Variants in MCF2L2 observed in about 807,000 individuals in gnomAD.
MCF2L2 encodes the protein MCF.2 cell line derived transforming sequence-like 2.
In MCF2L2, 102 loss-of-function variants were observed where a neutral mutation model predicts 150.2. The observed-to-expected ratio is 0.68, with a 90% CI of 0.58 to 0.80. MCF2L2 has a LOEUF of 0.80. Ranked by LOEUF, MCF2L2 falls within the 30% of genes least tolerant of loss-of-function variation. MCF2L2 has a pLI of 0.00. For missense variants in MCF2L2, 1,256 were observed against 1,372.8 expected (o/e 0.91, Z 1.34); for synonymous variants, 465 against 491.3 (o/e 0.95, Z 0.71).
intron 3 of MCF2L2, among the ~76,000 whole-genome samples, chr3:183,364,399 A>G (rs1712399233): frequency 6.6e-6 from 1 of 152,150 alleles, no homozygotes; most frequent in Non-Finnish European, 1.5e-5. Flanking sequence ...GGGTGCCTGT[A>G]GTCCCAGCTA....
In MCF2L2 at chr3:183,341,628, A is replaced by T; in HGVS notation, c.278T>A (p.Val93Glu). Residue 93 changes from valine to glutamate, a missense_variant and splice_region_variant, in exon 4 of 30, where the codon GTG (valine) becomes GAG (glutamate). By Grantham distance (121) the Val-to-Glu change is moderately radical (BLOSUM62 -2). Coordinates refer to ENST00000328913, the MANE Select transcript of MCF2L2 (RefSeq NM_015078.4). ...AATGAATCCAATGCTGGCAGCCTCC[A>T]CACTGCAAAGAAGGGTGGTCAGTGT... ...VMTYLTSIPSVEAASIGFIVV... is the reference protein window; with the variant it reads ...VMTYLTSIPSEEAASIGFIVV... 6.2e-7 allele frequency: 1 copy of T among 1,612,592 alleles called. No homozygotes were observed. Among genetic ancestry groups the T allele is most frequent in the Non-Finnish European group, 8.5e-7 (1 of 1,178,558 alleles).
rs370379715 is a variant in MCF2L2, at chr3:183,228,229, C to A, written c.2115+68G>T. The A allele has an allele frequency of 9.2e-6, 11 of 1,197,958 alleles. No individual in the cohort carries two copies. In the African/African-American group the frequency reaches 1.3e-4, roughly 15 times the overall value. The allele number at this position is 1,197,958 out of a possible 1,614,324, so 74.2% of individuals were successfully genotyped here. On this transcript the variant is annotated intron_variant, in intron 18 of 29. Coordinates refer to ENST00000328913, the MANE Select transcript of MCF2L2 (RefSeq NM_015078.4). Reference sequence around the variant, plus strand: ...TAGACCATTGATGTTTCCATTTGTCCTTGCCACTTAACGCAGAAATGTAAG... The same window carrying A: ...TAGACCATTGATGTTTCCATTTGTCATTGCCACTTAACGCAGAAATGTAAG...
chr3:183,302,708 G>T (rs1231589108), intron 10 of MCF2L2, among the ~76,000 whole-genome samples: 1 of 151,970 alleles, frequency 6.6e-6, no homozygotes. Context: ...ACCCTTCTCT[G>T]GATTGTTCTT....
chr3:183,366,640 C>T (rs945515544), intron 3 of MCF2L2, among the ~76,000 whole-genome samples: 4 of 151,070 alleles, frequency 2.6e-5, no homozygotes, highest in Non-Finnish European at 5.9e-5. Flanking sequence ...AGCAAGACTC[C>T]GTCTCAAAAA....
rs1441350284 is a variant in MCF2L2 at position 183,324,700 on chromosome 3, T to C, written c.487-1349A>G. On this transcript the variant is annotated intron_variant, in intron 5 of 29. Coordinates refer to ENST00000328913, the MANE Select transcript of MCF2L2 (RefSeq NM_015078.4). Reference sequence around the variant, plus strand: ...ATGAGCTGTGATCGCATCACTGCACTCCAGACTGGGTGATAGAGGGAGACC... The same window carrying C: ...ATGAGCTGTGATCGCATCACTGCACCCCAGACTGGGTGATAGAGGGAGACC... Among the ~76,000 whole-genome samples, 4 of 151,740 alleles carry C rather than the reference T, an allele frequency of 2.6e-5. 1 individual carries two copies. The South Asian group carries it at 8.3e-4, about 32-fold the overall frequency.
At chr3:183,330,434 ACT>A (rs1335825547) in intron 5 of MCF2L2, among the ~76,000 whole-genome samples, 1 of 151,168 alleles carries the variant, frequency 6.6e-6, no homozygotes, top group African/African-American at 2.5e-5. Flanking sequence ...CATTTGTATG[ACT>A]CTCTGCAAAA....
chr3:183,207,239 C>T (rs1045466204), intron 23 of MCF2L2, among the ~76,000 whole-genome samples: 3 of 152,158 alleles, frequency 2.0e-5, no homozygotes, highest in Non-Finnish European at 4.4e-5. Context: ...CACTTAGACA[C>T]AAAGATACAC....
intron 20 of MCF2L2, among the ~76,000 whole-genome samples, chr3:183,223,098 T>C (rs1345136626): frequency 1.3e-5 from 2 of 152,192 alleles, no homozygotes; most frequent in Non-Finnish European, 2.9e-5. Context: ...GACTCCTTAG[T>C]GATTCATGCC....
At chr3:183,301,014 C>CAAA (rs11388183) in intron 10 of MCF2L2, among the ~76,000 whole-genome samples, 39 of 65,524 alleles carry the variant, frequency 6.0e-4, no homozygotes, top group Non-Finnish European at 6.4e-4. Flanking sequence ...GACTCCATCT[C>CAAA]AAAAAAAAAA....
chr3:183,340,984 T>C (rs1054307863), intron 4 of MCF2L2, among the ~76,000 whole-genome samples: 9 of 152,294 alleles, frequency 5.9e-5, no homozygotes, highest in African/African-American at 1.2e-4. Context: ...CTGTCTTAAA[T>C]TGAATTGCCC....
chr3:183,220,559 T>C (rs1261161901), intron 20 of MCF2L2, among the ~76,000 whole-genome samples: 1 of 152,254 alleles, frequency 6.6e-6, no homozygotes, highest in East Asian at 1.9e-4. Flanking sequence ...AAAGCTAAAT[T>C]CCTAGAGTGG....
intron 15 of MCF2L2, among the ~76,000 whole-genome samples, chr3:183,269,000 T>C (rs1458894648): frequency 6.6e-6 from 1 of 152,094 alleles, no homozygotes; most frequent in Admixed American, 6.5e-5. Flanking sequence ...ACTCCTTGAT[T>C]ATGAACCTTA....
chr3:183,188,058 C>G (rs1180823038), intron 27 of MCF2L2, among the ~76,000 whole-genome samples: 1 of 152,202 alleles, frequency 6.6e-6, no homozygotes, highest in Non-Finnish European at 1.5e-5. Flanking sequence ...AGGTGATCCA[C>G]TAGGACATCT....
chr3:183,206,108 G>A lies in MCF2L2; in HGVS notation c.2805+14C>T. Reference sequence around the variant, plus strand: ...AAGAGTAGAGGAGACCCATGGGGAAGGCATGAGCGTTACCTGCAGGATGTA... The same window carrying A: ...AAGAGTAGAGGAGACCCATGGGGAAAGCATGAGCGTTACCTGCAGGATGTA... On this transcript the variant is annotated intron_variant, in intron 24 of 29. Transcript: ENST00000328913. 6.2e-7 allele frequency: 1 copy of A among 1,611,114 alleles called. No homozygotes were observed. The highest frequency in any genetic ancestry group is 8.5e-7 in the Non-Finnish European group (1 of 1,177,282).
chr3:183,331,308 G>A (rs1015418813), intron 5 of MCF2L2, among the ~76,000 whole-genome samples: 1 of 152,094 alleles, frequency 6.6e-6, no homozygotes, highest in African/African-American at 2.4e-5. Context: ...CCAAAGCTTG[G>A]TGCTTCCCCA....
At chr3:183,401,681 T>C (rs528092180) in intron 1 of MCF2L2, among the ~76,000 whole-genome samples, 4 of 152,362 alleles carry the variant, frequency 2.6e-5, no homozygotes, top group Non-Finnish European at 5.9e-5. Flanking sequence ...TCATATGGTG[T>C]TAATAATACA....
At chr3:183,422,061 G>A (rs1715911799) in intron 1 of MCF2L2, among the ~76,000 whole-genome samples, 1 of 152,060 alleles carries the variant, frequency 6.6e-6, no homozygotes, top group South Asian at 2.1e-4. Context: ...CAATGCCCTG[G>A]GGCATAAAAT....
chr3:183,340,772 G>A (rs181842494), intron 4 of MCF2L2, among the ~76,000 whole-genome samples: 2 of 152,080 alleles, frequency 1.3e-5, no homozygotes, highest in East Asian at 1.9e-4. Flanking sequence ...GTGAAACCCC[G>A]TCTCTACTAA....
chr3:183,187,685 T>C (rs1721744490), intron 27 of MCF2L2, among the ~76,000 whole-genome samples: 1 of 152,116 alleles, frequency 6.6e-6, no homozygotes, highest in South Asian at 2.1e-4. Context: ...GCCAAGATGG[T>C]CTCAATCTCT....
Sources: gnomAD v4.1 joint callset for allele counts (sites outside exome capture counted in the v4.1 genomes callset) on GRCh38, gnomAD v4.1.1 for gene constraint, MANE v1.5 for transcripts, NCBI Gene and HGNC (gene_info 2026-07-23, HGNC 2026-07-21) for gene names.